ELP4: variants seen among roughly 807,000 people sequenced by gnomAD.
ELP4 encodes elongator acetyltransferase complex subunit 4.
A neutral mutation model predicts 48.9 loss-of-function variants in ELP4; 51 were observed. The observed-to-expected ratio is 1.04, with a 90% CI of 0.83 to 1.32. The LOEUF is 1.32. Ranked by LOEUF, ELP4 falls within the 40% of genes most tolerant of loss-of-function variation. The pLI is 0.00. For synonymous variants in ELP4, 210 were observed against 189.2 expected, an observed-to-expected ratio of 1.11 and a Z score of -0.90; for missense variants, 519 against 514.6, an observed-to-expected ratio of 1.01 and a Z score of -0.08.
rs762017048 is a variant in ELP4, at chr11:31,706,575, ATAAT to A, written c.1143+56359_1143+56362del. Among the ~76,000 whole-genome samples, 358 of 147,962 alleles carry A rather than the reference ATAAT, an allele frequency of 2.4e-3. 3 individuals are homozygous for A. Among genetic ancestry groups the A allele is most frequent in the Middle Eastern group, 0.022 (6 of 278 alleles). Reference sequence around the variant, plus strand: ...TTAATATATTAAATTAATATAATTAATAATTAATGATATATTTAATTTAATTAAT... The same window carrying A: ...TTAATATATTAAATTAATATAATTAATAATGATATATTTAATTTAATTAAT... On this transcript the variant is annotated intron_variant, in intron 9 of 9. Coordinates refer to ENST00000640961, the MANE Select transcript of ELP4 (RefSeq NM_019040.5).
intron 9 of ELP4, chr11:31,681,645 A>G (rs1946052672): frequency 6.5e-6 from 1 of 152,746 alleles, no homozygotes; most frequent in Non-Finnish European, 1.5e-5. Context: ...GATCTGGAAG[A>G]AGATGGACAG....
chr11:31,689,971 A>G (rs1478714505), intron 9 of ELP4, among the ~76,000 whole-genome samples: 1 of 152,136 alleles, frequency 6.6e-6, no homozygotes, highest in African/African-American at 2.4e-5. Flanking sequence ...TATACCAGGG[A>G]AATGTTGGTG....
intron 9 of ELP4, among the ~76,000 whole-genome samples, chr11:31,738,318 G>A (rs1474544186): frequency 6.6e-6 from 1 of 151,670 alleles, no homozygotes; most frequent in East Asian, 1.9e-4. Context: ...GGAGGCTGAG[G>A]TGGAAGAATT....
intron 9 of ELP4, among the ~76,000 whole-genome samples, chr11:31,735,258 A>G (rs1947283764): frequency 6.6e-6 from 1 of 152,132 alleles, no homozygotes; most frequent in Non-Finnish European, 1.5e-5. Flanking sequence ...TAACCATATG[A>G]CCTGAAACTG....
At chr11:31,616,838 G>T (rs887111878) in intron 5 of ELP4, among the ~76,000 whole-genome samples, 5 of 151,898 alleles carry the variant, frequency 3.3e-5, no homozygotes, top group African/African-American at 1.2e-4. Flanking sequence ...CTAACCATTA[G>T]ACAAATACAA....
chr11:31,777,035 T>C (rs1376853983), intron 9 of ELP4, among the ~76,000 whole-genome samples: 1 of 152,182 alleles, frequency 6.6e-6, no homozygotes, highest in African/African-American at 2.4e-5. Flanking sequence ...ATTCAGCAGA[T>C]GCATCCTCCA....
intron 9 of ELP4, chr11:31,767,714 A>T (rs1205159044): frequency 1.3e-5 from 2 of 152,076 alleles, no homozygotes; most frequent in South Asian, 2.1e-4. Context: ...ATTTCCCATT[A>T]TTCATAGAAA....
chr11:31,653,098 A>T (rs1029201200), intron 9 of ELP4: 1 of 151,714 alleles, frequency 6.6e-6, no homozygotes, highest in Non-Finnish European at 1.5e-5. Flanking sequence ...ATATGTTGGT[A>T]TTGTCCAGAT....
chr11:31,659,645 A>G (rs1020467754), intron 9 of ELP4, among the ~76,000 whole-genome samples: 1 of 152,122 alleles, frequency 6.6e-6, no homozygotes, highest in Non-Finnish European at 1.5e-5. Context: ...ACTTGAACGT[A>G]TATAGTCATT....
intron 3 of ELP4, among the ~76,000 whole-genome samples, chr11:31,540,415 C>T (rs1040494711): frequency 3.3e-5 from 5 of 152,180 alleles, no homozygotes; most frequent in African/African-American, 1.2e-4. Flanking sequence ...TTCTACTTAG[C>T]ACAAGCAAAA....
intron 9 of ELP4, among the ~76,000 whole-genome samples, chr11:31,698,807 G>T (rs964545911): frequency 6.6e-6 from 1 of 152,138 alleles, no homozygotes; most frequent in African/African-American, 2.4e-5. Flanking sequence ...ATGGAATGAG[G>T]AGGAGGTGAT....
intron 9 of ELP4, among the ~76,000 whole-genome samples, chr11:31,682,885 CTATTTA>C (rs1394171017): frequency 1.3e-5 from 2 of 152,078 alleles, no homozygotes; most frequent in Non-Finnish European, 2.9e-5. Context: ...TCATCACTTT[CTATTTA>C]TATTATTACT....
At chr11:31,682,961 A>G (rs1435154962) in intron 9 of ELP4, among the ~76,000 whole-genome samples, 3 of 152,132 alleles carry the variant, frequency 2.0e-5, no homozygotes, top group Non-Finnish European at 2.9e-5. Context: ...TCTATATTCT[A>G]TGCCTTTATT....
chr11:31,684,216 T>TA (rs199894434), intron 9 of ELP4, among the ~76,000 whole-genome samples: 6,458 of 146,612 alleles, frequency 0.044, 194 homozygotes, highest in East Asian at 0.18. Context: ...AAGATAATCT[T>TA]AAAAAAAAAA....
intron 7 of ELP4, among the ~76,000 whole-genome samples, chr11:31,634,545 T>C (rs1371340085): frequency 1.3e-5 from 2 of 152,038 alleles, no homozygotes; most frequent in South Asian, 2.1e-4. Flanking sequence ...GAGATTCCCA[T>C]TGCGGATTTC....
Position 31,787,031 on chromosome 11 carries a change from TAAAC to T in ELP4, c.*3511_*3514del, listed in dbSNP as rs1238769080. The T allele has an allele frequency of 2.3e-4, 21 of 92,992 alleles. 1 individual carries two copies. The South Asian group carries it at 5.3e-3, about 24-fold the overall frequency. The allele number at this position is 92,992 out of a possible 1,614,324, so 5.8% of individuals were successfully genotyped here. On this transcript the variant is annotated 3_prime_UTR_variant, in exon 10 of 10. Coordinates refer to ENST00000640961, the MANE Select transcript of ELP4 (RefSeq NM_019040.5). ...AATATATGTATCGTTAAATAAATAA[TAAAC>T]AAAAATTATTTCAACAATGAGTAAA...
rs150036280 is a variant in ELP4, at chr11:31,681,348, A to G, written c.1143+31127A>G. ...CCAAGCTTTGCATCATACCGTATAG[A>G]ATTGTTTGTAAACATGCATATCACA... On this transcript the variant is annotated intron_variant, in intron 9 of 9. Transcript: ENST00000640961. Among the ~76,000 whole-genome samples the G allele has an allele frequency of 5.2e-4, 79 of 152,360 alleles. 1 individual carries two copies. Among genetic ancestry groups the G allele is most frequent in the African/African-American group, 1.7e-3 (70 of 41,590 alleles).
In ELP4 at chr11:31,787,130, T is replaced by C. The variant is rs771871697; in HGVS notation, c.*3606T>C. The C allele has an allele frequency of 4.3e-6, 1 of 232,338 alleles. No individual in the cohort carries two copies. The highest frequency in any genetic ancestry group is 8.5e-6 in the Non-Finnish European group (1 of 117,574). The allele number at this position is 232,338 out of a possible 1,614,324, so 14.4% of individuals were successfully genotyped here. ...GTCCCCAAGAGAGTGCCTGGAGCTC[T>C]GTTTGGAAGGACAGCTCATGTCCCT... On this transcript the variant is annotated 3_prime_UTR_variant, in exon 10 of 10. Coordinates refer to ENST00000640961, the MANE Select transcript of ELP4 (RefSeq NM_019040.5).
At chr11:31,624,993 C>T (rs559346575) in intron 5 of ELP4, among the ~76,000 whole-genome samples, 99 of 151,336 alleles carry the variant, frequency 6.5e-4, no homozygotes, top group African/African-American at 2.3e-3. Context: ...CCTGAAGGAC[C>T]TGGTCACCTG....
Sources: gnomAD v4.1 joint callset for allele counts (sites outside exome capture counted in the v4.1 genomes callset) on GRCh38, gnomAD v4.1.1 for gene constraint, MANE v1.5 for transcripts, NCBI Gene and HGNC (gene_info 2026-07-23, HGNC 2026-07-21) for gene names.